Variants in ZFHX3 observed in about 807,000 individuals in gnomAD.
ZFHX3 encodes zinc finger homeobox protein 3.
ZFHX3 carries 42 observed loss-of-function variants against 279.1 expected under a neutral mutation model. The observed-to-expected ratio is 0.15, with a 90% CI of 0.12 to 0.19. The LOEUF is 0.19. ZFHX3 is among the 10% of genes least tolerant of loss of function. ZFHX3 has a pLI of 1.00. For missense variants in ZFHX3, 4,981 were observed against 4,754.0 expected, an observed-to-expected ratio of 1.05 and a Z score of -1.40; for synonymous variants, 2,293 against 1,957.8, an observed-to-expected ratio of 1.17 and a Z score of -4.52.
At chr16:73,162,955 G>C (rs75778146) in intron 5 of ZFHX3, among the ~76,000 whole-genome samples, 19,625 of 152,134 alleles carry the variant, frequency 0.13, 1,303 homozygotes, top group Admixed American at 0.17. Flanking sequence ...GGTCTTATAT[G>C]GCATGATTCA....
intron 2 of ZFHX3, among the ~76,000 whole-genome samples, chr16:73,642,116 T>C (rs994207073): frequency 2.6e-5 from 4 of 152,174 alleles, no homozygotes; most frequent in Admixed American, 1.3e-4. Context: ...TCAGGTCACA[T>C]TGGTTCATGA....
At chr16:73,555,203 G>T (rs2020258508) in intron 2 of ZFHX3, among the ~76,000 whole-genome samples, 1 of 152,064 alleles carries the variant, frequency 6.6e-6, no homozygotes, top group Admixed American at 6.5e-5. Flanking sequence ...CAACCAGGCT[G>T]CAGTGCAGTG....
intron 4 of ZFHX3, among the ~76,000 whole-genome samples, chr16:72,862,596 T>C (rs558471060): frequency 6.6e-6 from 1 of 152,320 alleles, no homozygotes; most frequent in South Asian, 2.1e-4. Context: ...CAGTGAGACA[T>C]GTATCTCCTG....
In ZFHX3 at chr16:72,958,744, C is replaced by G. The variant is rs373566141; in HGVS notation, c.1402G>C (p.Glu468Gln). ...PAEEEAEEEE[E>Q]EEEAEEEEEE... ...TCCTCCTCCTCCGCCTCTTCCTCCTCCTCTTCCTCCTCCGCCTCCTCTTCG... is the reference window on the plus strand; with the variant it reads ...TCCTCCTCCTCCGCCTCTTCCTCCTGCTCTTCCTCCTCCGCCTCCTCTTCG... Residue 468 changes from glutamate (E) to glutamine (Q), a missense_variant, in exon 2 of 10, where the codon GAG (glutamate) becomes CAG (glutamine). Transcript: ENST00000268489. 1 of 1,613,086 alleles carries G rather than the reference C, an allele frequency of 6.2e-7. No individual in the cohort carries two copies. The highest frequency in any genetic ancestry group is 8.5e-7 in the Non-Finnish European group (1 of 1,179,404).
At chr16:73,040,627 G>T (rs887298383) in intron 1 of ZFHX3, among the ~76,000 whole-genome samples, 4 of 152,202 alleles carry the variant, frequency 2.6e-5, no homozygotes, top group African/African-American at 9.6e-5. Flanking sequence ...TTGCAAAGAT[G>T]TCAAAAGGAG....
chr16:73,311,183 A>G (rs1225892427), intron 4 of ZFHX3, among the ~76,000 whole-genome samples: 1 of 152,184 alleles, frequency 6.6e-6, no homozygotes, highest in Non-Finnish European at 1.5e-5. Flanking sequence ...CAGAGAGCCA[A>G]GATCGCACCA....
intron 5 of ZFHX3, among the ~76,000 whole-genome samples, chr16:73,147,517 C>T (rs1225015303): frequency 6.6e-6 from 1 of 150,842 alleles, no homozygotes; most frequent in Non-Finnish European, 1.5e-5. Context: ...ACGGTGAAAC[C>T]CCGTCTCTAC....
chr16:72,990,840 T>G (rs1198687422), intron 1 of ZFHX3, among the ~76,000 whole-genome samples: 2 of 151,954 alleles, frequency 1.3e-5, no homozygotes, highest in Non-Finnish European at 2.9e-5. Flanking sequence ...ATTAGCCGGG[T>G]GTGGCGGCAC....
chr16:73,094,549 A>T (rs1009778476), intron 7 of ZFHX3: 7 of 149,668 alleles, frequency 4.7e-5, no homozygotes, highest in African/African-American at 1.5e-4. Context: ...TGGGCGCCAA[A>T]GTGGATGGTA....
intron 8 of ZFHX3, among the ~76,000 whole-genome samples, chr16:73,070,052 A>G (rs1413683549): frequency 6.6e-6 from 1 of 152,128 alleles, no homozygotes; most frequent in Non-Finnish European, 1.5e-5. Context: ...AAGTGCCCCG[A>G]ACTCCTGCCA....
At chr16:73,550,103 A>G (rs1227004757) in intron 2 of ZFHX3, among the ~76,000 whole-genome samples, 1 of 152,096 alleles carries the variant, frequency 6.6e-6, no homozygotes, top group East Asian at 1.9e-4. Flanking sequence ...GAGGGCATTG[A>G]TCAGCCCTGC....
At chr16:73,248,860 G>C (rs2013392415) in intron 5 of ZFHX3, among the ~76,000 whole-genome samples, 1 of 152,056 alleles carries the variant, frequency 6.6e-6, no homozygotes, top group South Asian at 2.1e-4. Context: ...GAGCAGGATG[G>C]TATTTTAAAA....
intron 1 of ZFHX3, among the ~76,000 whole-genome samples, chr16:72,970,212 T>A (rs1962042722): frequency 1.7e-5 from 2 of 116,276 alleles, no homozygotes; most frequent in Non-Finnish European, 3.8e-5. Context: ...TAAAAAAGAT[T>A]TTTTTTTTTT....
chr16:72,896,323 G>C (rs1434737853), intron 3 of ZFHX3, among the ~76,000 whole-genome samples: 2 of 152,060 alleles, frequency 1.3e-5, no homozygotes, highest in Non-Finnish European at 2.9e-5. Flanking sequence ...GCTGGAAGGG[G>C]GACACTCCAA....
intron 1 of ZFHX3, among the ~76,000 whole-genome samples, chr16:72,965,152 T>C (rs1394839270): frequency 2.0e-5 from 3 of 152,244 alleles, no homozygotes; most frequent in Non-Finnish European, 4.4e-5. Flanking sequence ...GTGCTGGGAT[T>C]ACAGGCGTGA....
At chr16:73,101,913 CTTTTTT>C (rs34658877) in intron 7 of ZFHX3, among the ~76,000 whole-genome samples, 1 of 116,576 alleles carries the variant, frequency 8.6e-6, no homozygotes, top group African/African-American at 3.4e-5. Context: ...ATTCTCACCT[CTTTTTT>C]TTTTTTTTTT....
chr16:73,694,046 G>C (rs1056986423), intron 1 of ZFHX3, among the ~76,000 whole-genome samples: 3 of 149,036 alleles, frequency 2.0e-5, no homozygotes, highest in African/African-American at 7.3e-5. Context: ...AAAATTGCTA[G>C]GCACAGTGGC....
Position 73,026,673 on chromosome 16 carries a change from C to CAAA in ZFHX3, c.-50+21076_-50+21078dup, listed in dbSNP as rs10561679. Among the ~76,000 whole-genome samples, 119 of 79,500 alleles carry CAAA rather than the reference C, an allele frequency of 1.5e-3. 5 individuals are homozygous for CAAA. The highest frequency in any genetic ancestry group is 2.8e-3 in the African/African-American group (63 of 22,664). The allele number at this position is 79,500 out of a possible 152,430, so 52.2% of individuals were successfully genotyped here. ...CCCGGCAACAAGAGCAAAACTGCCT[C>CAAA]AAAAAAAAAAAAAAAAAAAAAACAC... is the stretch of plus-strand genomic sequence containing the variant. On this transcript the variant is annotated intron_variant, in intron 1 of 9. Coordinates refer to ENST00000268489, the MANE Select transcript of ZFHX3 (RefSeq NM_006885.4).
At chr16:73,461,820 AT>A (rs2143581636) in intron 2 of ZFHX3, among the ~76,000 whole-genome samples, 1 of 152,026 alleles carries the variant, frequency 6.6e-6, no homozygotes, top group South Asian at 2.1e-4. Context: ...CTCTCACTTT[AT>A]TTTTCTTTTT....
Sources: allele counts gnomAD v4.1 joint callset (sites outside exome capture counted in the v4.1 genomes callset), GRCh38; gene constraint gnomAD v4.1.1; transcripts MANE v1.5; gene names NCBI Gene and HGNC (gene_info 2026-07-23, HGNC 2026-07-21).